The following CA5A variants were observed in gnomAD, a reference collection of about 807,000 sequenced individuals.
CA5A encodes carbonic anhydrase 5A, also known as carbonic anhydrase 5A, mitochondrial.
CA5A carries 28 observed loss-of-function variants against 37.1 expected under a neutral mutation model. The ratio of observed to expected loss-of-function variants is 0.75; its 90% confidence interval spans 0.56 to 1.03. The LOEUF is 1.03. CA5A is among the 50% of genes least tolerant of loss of function. The probability of loss-of-function intolerance (pLI) is 0.00; values close to 1 mark genes in which losing one functional copy is unlikely to be tolerated. For missense variants in CA5A, 444 were observed against 399.9 expected (o/e 1.11, Z -0.94); for synonymous variants, 171 against 158.4 (o/e 1.08, Z -0.60).
At chr16:87,895,422 G>A (rs2055788073) in intron 5 of CA5A, among the ~76,000 whole-genome samples, 1 of 152,192 alleles carries the variant, frequency 6.6e-6, no homozygotes, top group Admixed American at 6.5e-5. Flanking sequence ...GCGCATGCCT[G>A]TAATCCCAGC....
chr16:87,891,021 T>C (rs147341019), intron 6 of CA5A, among the ~76,000 whole-genome samples: 2,549 of 152,038 alleles, frequency 0.017, 77 homozygotes, highest in African/African-American at 0.058. Context: ...CTCGAACTCC[T>C]GGCCTCAAGT....
intron 2 of CA5A, among the ~76,000 whole-genome samples, chr16:87,906,118 A>G (rs1289899067): frequency 6.6e-6 from 1 of 152,222 alleles, no homozygotes; most frequent in Non-Finnish European, 1.5e-5. Flanking sequence ...TTTCACTGAA[A>G]GCAGCACAGC....
rs543855866 is a variant in CA5A at position 87,899,888 on chromosome 16, C to G, written c.618+2024G>C. On this transcript the variant is annotated intron_variant, in intron 5 of 6. Transcript: ENST00000649794. ...TGAGCCGAGGTCGCACCATTGCACT[C>G]CAGCCTGGGCAACAGAGCGAGATTT... 1.1e-3 allele frequency among the ~76,000 whole-genome samples: 145 copies of G among 134,690 alleles called. 1 individual carries two copies. The highest frequency in any genetic ancestry group is 4.0e-3 in the African/African-American group (138 of 34,690). 88.4% of individuals were successfully genotyped at this position (134,690 alleles called of 152,430 possible). A position where few individuals can be genotyped will look rare whatever the true frequency, so the allele number is the denominator to read the frequency against.
chr16:87,907,486 C>T (rs1408044921), intron 2 of CA5A, among the ~76,000 whole-genome samples: 4 of 152,218 alleles, frequency 2.6e-5, no homozygotes. Context: ...GAAATTCACG[C>T]ATGTCTGTAT....
intron 1 of CA5A, 23 bp from the exon 2 acceptor site, chr16:87,926,968 C>G (rs772566014): frequency 1.1e-5 from 17 of 1,479,648 alleles, no homozygotes; most frequent in Non-Finnish European, 1.5e-5. Flanking sequence ...AGACGGAGAC[C>G]CTGAGTGAGG....
At chr16:87,904,571 T>C (rs1281395286) in intron 3 of CA5A, among the ~76,000 whole-genome samples, 1 of 152,154 alleles carries the variant, frequency 6.6e-6, no homozygotes, top group Non-Finnish European at 1.5e-5. Context: ...AGTCTCTTCT[T>C]CCGTTAAATG....
chr16:87,900,577 A>G (rs1415171611), intron 5 of CA5A, among the ~76,000 whole-genome samples: 2 of 152,226 alleles, frequency 1.3e-5, no homozygotes, highest in African/African-American at 4.8e-5. Context: ...GAATAAATAA[A>G]CTACATTTCT....
At chr16:87,886,847 A>G (rs1171133904), downstream of CA5A, 2 of 152,148 alleles carry the variant, frequency 1.3e-5, no homozygotes, top group African/African-American at 4.8e-5. Flanking sequence ...TCATTGGTTG[A>G]TTTGTCCTTC....
chr16:87,907,531 G>A (rs1187868796), intron 2 of CA5A, among the ~76,000 whole-genome samples: 2 of 152,216 alleles, frequency 1.3e-5, no homozygotes, highest in Non-Finnish European at 2.9e-5. Context: ...TAGAAGGCAG[G>A]GATGATGGAT....
chr16:87,889,780 A>G (rs2055687579), intron 6 of CA5A, among the ~76,000 whole-genome samples: 1 of 152,182 alleles, frequency 6.6e-6, no homozygotes, highest in Non-Finnish European at 1.5e-5. Flanking sequence ...TCAAAAAAAA[A>G]TAATAAAATA....
chr16:87,906,491 G>C (rs142233296), intron 2 of CA5A, among the ~76,000 whole-genome samples: 6,020 of 152,178 alleles, frequency 0.04, 198 homozygotes, highest in African/African-American at 0.092. Context: ...GCTGGGTGTG[G>C]TGGCGGGTGC....
chr16:87,893,121 T>C (rs1261510954), intron 5 of CA5A: 13 of 575,852 alleles, frequency 2.3e-5, no homozygotes, highest in Admixed American at 3.2e-5. Flanking sequence ...TTTCTTTCTT[T>C]CTTCCTTTCT....
At chr16:87,907,259 A>G (rs1163316538) in intron 2 of CA5A, among the ~76,000 whole-genome samples, 12 of 152,114 alleles carry the variant, frequency 7.9e-5, no homozygotes, top group Non-Finnish European at 1.8e-4. Flanking sequence ...CTGGCCTCCA[A>G]AACACAATCT....
At chr16:87,884,252 C>T (rs1446048962), downstream of CA5A, 20 of 72,988 alleles carry the variant, frequency 2.7e-4, no homozygotes, top group African/African-American at 1.1e-3. Flanking sequence ...CGAATCTCTA[C>T]TAAAAATGCA....
intron 1 of CA5A, among the ~76,000 whole-genome samples, chr16:87,935,590 G>A (rs1209929436): frequency 5.3e-5 from 8 of 152,112 alleles, no homozygotes; most frequent in Non-Finnish European, 1.2e-4. Context: ...GAGAAACGGA[G>A]TGTGGCCAGG....
At chr16:87,924,577 C>A (rs890227005) in intron 2 of CA5A, among the ~76,000 whole-genome samples, 2 of 152,200 alleles carry the variant, frequency 1.3e-5, no homozygotes, top group African/African-American at 2.4e-5. Flanking sequence ...TCACTGAGGT[C>A]CCCTGTGTTG....
chr16:87,906,753 T>G (rs2143972455), intron 2 of CA5A, among the ~76,000 whole-genome samples: 3 of 152,338 alleles, frequency 2.0e-5, no homozygotes, highest in Admixed American at 2.0e-4. Context: ...TCACTGCCCC[T>G]CTTCACTCAA....
chr16:87,915,005 G>T (rs2056114340), intron 2 of CA5A, among the ~76,000 whole-genome samples: 1 of 152,164 alleles, frequency 6.6e-6, no homozygotes, highest in South Asian at 2.1e-4. Flanking sequence ...TGAGCGATGG[G>T]GCCAGCATGG....
In CA5A at chr16:87,932,990, G is replaced by A. The variant is rs183853985; in HGVS notation, c.142+3319C>T. Among the ~76,000 whole-genome samples, 44 of 152,342 alleles carry A rather than the reference G, an allele frequency of 2.9e-4. No individual in the cohort carries two copies. The East Asian group carries it at 3.7e-3, about 13-fold the overall frequency. On this transcript the variant is annotated intron_variant, in intron 1 of 6. Coordinates refer to ENST00000649794, the MANE Select transcript of CA5A (RefSeq NM_001739.2). Reference sequence around the variant, plus strand: ...CTCGCCCTGTGAGTGCCTGCCCTCCGCCGTGAGAAGAACAGGCCTCAGGTG... The same window carrying A: ...CTCGCCCTGTGAGTGCCTGCCCTCCACCGTGAGAAGAACAGGCCTCAGGTG...
Sources: gnomAD v4.1 joint callset for allele counts (sites outside exome capture counted in the v4.1 genomes callset) on GRCh38, gnomAD v4.1.1 for gene constraint, MANE v1.5 for transcripts, NCBI Gene and HGNC (gene_info 2026-07-23, HGNC 2026-07-21) for gene names.